The following IL1RAPL2 variants were observed in gnomAD, a reference collection of about 807,000 sequenced individuals.
The protein encoded by IL1RAPL2 is X-linked interleukin-1 receptor accessory protein-like 2.
IL1RAPL2 carries 3 observed loss-of-function variants against 44.1 expected under a neutral mutation model. The ratio of observed to expected loss-of-function variants is 0.07; its 90% CI spans 0.03 to 0.18. IL1RAPL2 has a LOEUF of 0.18. Among genes scored for constraint, IL1RAPL2 ranks in the 10% least tolerant of loss-of-function variants. IL1RAPL2 has a pLI of 1.00. For missense variants in IL1RAPL2, 391 were observed against 496.4 expected (o/e 0.79, Z 2.02); for synonymous variants, 181 against 178.8 (o/e 1.01, Z -0.10).
intron 10 of IL1RAPL2, among the ~76,000 whole-genome samples, chrX:105,766,700 C>G (rs1165361822): frequency 9.0e-6 from 1 of 110,691 alleles, no homozygotes; most frequent in Non-Finnish European, 1.9e-5. Flanking sequence ...ATAAAAATCA[C>G]TGAAATACAC....
chrX:104,792,077 T>C (rs1932829170), intron 2 of IL1RAPL2, among the ~76,000 whole-genome samples: 1 of 110,764 alleles, frequency 9.0e-6, no homozygotes. Context: ...TATCATAGTA[T>C]CTTTGAGATT....
intron 6 of IL1RAPL2, among the ~76,000 whole-genome samples, chrX:105,496,997 T>G (rs1480697135): frequency 2.7e-5 from 3 of 111,670 alleles, no homozygotes; most frequent in Non-Finnish European, 5.6e-5. Flanking sequence ...TTCTCAATGT[T>G]GATTCCTGTG....
chrX:104,650,720 GTACTC>G (rs1427890637), intron 1 of IL1RAPL2, among the ~76,000 whole-genome samples: 2 of 111,814 alleles, frequency 1.8e-5, no homozygotes, highest in Non-Finnish European at 3.8e-5. Context: ...ACTTGACTAA[GTACTC>G]TACTATGCAT....
At chrX:105,586,714 G>A (rs1279669187) in intron 6 of IL1RAPL2, among the ~76,000 whole-genome samples, 1 of 111,958 alleles carries the variant, frequency 8.9e-6, no homozygotes, top group Non-Finnish European at 1.9e-5. Flanking sequence ...TTTGGTGGTT[G>A]GTTCTTTTTT....
chrX:105,056,552 G>T (rs935883618), intron 2 of IL1RAPL2, among the ~76,000 whole-genome samples: 14 of 111,596 alleles, frequency 1.3e-4, no homozygotes, highest in Non-Finnish European at 2.6e-4. Flanking sequence ...AAACCACAGA[G>T]AACTCACCAT....
intron 3 of IL1RAPL2, among the ~76,000 whole-genome samples, chrX:105,224,591 C>T (rs73534074): frequency 0.092 from 10,184 of 111,004 alleles, 1,200 homozygotes; most frequent in African/African-American, 0.32. Context: ...AACACAAAGA[C>T]GGGGAAAATA....
At chrX:105,437,510 T>C (rs2035890439) in intron 5 of IL1RAPL2, among the ~76,000 whole-genome samples, 4 of 111,883 alleles carry the variant, frequency 3.6e-5, no homozygotes. Context: ...TCATGTCAAG[T>C]TTGAAAAATA....
At chrX:105,336,794 C>A (rs944460026) in intron 5 of IL1RAPL2, among the ~76,000 whole-genome samples, 1 of 112,087 alleles carries the variant, frequency 8.9e-6, no homozygotes, top group Non-Finnish European at 1.9e-5. Context: ...TCTGCCTAAT[C>A]GCCAACTCCA....
intron 2 of IL1RAPL2, among the ~76,000 whole-genome samples, chrX:104,707,587 C>T (rs1931383740): frequency 1.1e-5 from 1 of 89,653 alleles, no homozygotes; most frequent in South Asian, 4.9e-4. Context: ...ACACCAAATA[C>T]TGCTTTCTTT....
At chrX:105,616,808 T>G (rs773829441) in intron 6 of IL1RAPL2, among the ~76,000 whole-genome samples, 1 of 111,042 alleles carries the variant, frequency 9.0e-6, no homozygotes, top group East Asian at 2.8e-4. Context: ...AATTTTCTTT[T>G]TATGATCCAA....
At chrX:105,331,363 C>T (rs1248924777) in intron 5 of IL1RAPL2, among the ~76,000 whole-genome samples, 1 of 111,731 alleles carries the variant, frequency 9.0e-6, no homozygotes, top group Non-Finnish European at 1.9e-5. Flanking sequence ...TATTAAAATA[C>T]ATTCCTAAAC....
intron 2 of IL1RAPL2, among the ~76,000 whole-genome samples, chrX:104,773,564 C>A (rs1304606709): frequency 9.0e-6 from 1 of 111,600 alleles, no homozygotes; most frequent in African/African-American, 3.3e-5. Context: ...TTTCCATAGG[C>A]TTCAATGATT....
chrX:105,572,206 A>G (rs1297359815), intron 6 of IL1RAPL2, among the ~76,000 whole-genome samples: 1 of 111,733 alleles, frequency 8.9e-6, no homozygotes, highest in South Asian at 3.7e-4. Context: ...CTCTGGAACC[A>G]CAAACACCCA....
At chrX:104,786,928 T>A (rs1932801590) in intron 2 of IL1RAPL2, among the ~76,000 whole-genome samples, 3 of 18,391 alleles carry the variant, frequency 1.6e-4, no homozygotes, top group African/African-American at 5.3e-4. Flanking sequence ...ATTCTCTCTC[T>A]CTCTCTCTCT....
chrX:105,198,590 GC>G (rs1335582194), intron 3 of IL1RAPL2, among the ~76,000 whole-genome samples: 1 of 111,926 alleles, frequency 8.9e-6, no homozygotes, highest in Non-Finnish European at 1.9e-5. Flanking sequence ...ATTATTATTA[GC>G]TAAAGTCCAT....
At chrX:104,932,552 A>T (rs902442750) in intron 2 of IL1RAPL2, among the ~76,000 whole-genome samples, 1 of 111,622 alleles carries the variant, frequency 9.0e-6, no homozygotes, top group African/African-American at 3.3e-5. Context: ...AGACTACAAC[A>T]ATGGAAATAG....
intron 2 of IL1RAPL2, among the ~76,000 whole-genome samples, chrX:104,836,987 G>A (rs941406714): frequency 7.2e-5 from 8 of 110,937 alleles, no homozygotes; most frequent in East Asian, 5.7e-4. Context: ...GAGAACATGC[G>A]GTGTTTGGTT....
At chrX:104,986,997 GC>G (rs2030573705) in intron 2 of IL1RAPL2, among the ~76,000 whole-genome samples, 1 of 112,172 alleles carries the variant, frequency 8.9e-6, no homozygotes, top group Admixed American at 9.5e-5. Flanking sequence ...TGCCTCACAG[GC>G]ACTAATGTTA....
rs183590971 is a variant in IL1RAPL2, at chrX:105,058,452, A to G, written c.83-137023A>G. 9.8e-5 allele frequency among the ~76,000 whole-genome samples: 11 copies of G among 112,174 alleles called. No homozygotes were observed. In the East Asian group the frequency reaches 3.1e-3, roughly 32 times the overall value. ...AGGGACAGTTTTGTAGTCATCTTAC[A>G]TTAGGTTTCTCAAACAAATTTTAGC... On this transcript the variant is annotated intron_variant, in intron 2 of 10. Coordinates refer to ENST00000372582, the MANE Select transcript of IL1RAPL2 (RefSeq NM_017416.2).
Sources: gnomAD v4.1 joint callset for allele counts (sites outside exome capture counted in the v4.1 genomes callset) on GRCh38, gnomAD v4.1.1 for gene constraint, MANE v1.5 for transcripts, NCBI Gene and HGNC (gene_info 2026-07-23, HGNC 2026-07-21) for gene names.